ADAMTS2: variants seen among roughly 807,000 people sequenced by gnomAD.
ADAMTS2 encodes the protein A disintegrin and metalloproteinase with thrombospondin motifs 2.
In ADAMTS2, 50 loss-of-function variants were observed where a neutral mutation model predicts 123.0. The ratio of observed to expected loss-of-function variants is 0.41; its 90% confidence interval spans 0.32 to 0.51. The LOEUF (loss-of-function observed/expected upper bound fraction) is 0.51. ADAMTS2 is among the 20% of genes least tolerant of loss of function. ADAMTS2 has a pLI of 0.35. For synonymous variants in ADAMTS2, 678 were observed against 695.4 expected (o/e 0.98, Z 0.39); for missense variants, 1,494 against 1,705.2 (o/e 0.88, Z 2.18).
chr5:179,212,000 G>C (rs1764864195), intron 3 of ADAMTS2, among the ~76,000 whole-genome samples: 1 of 152,242 alleles, frequency 6.6e-6, no homozygotes, highest in Non-Finnish European at 1.5e-5. Flanking sequence ...AGGAGGAGTG[G>C]GCACGCGCCC....
rs572114330 is a variant in ADAMTS2, at chr5:179,327,963, T to G, written c.534+15804A>C. On this transcript the variant is annotated intron_variant, in intron 2 of 21. Coordinates refer to ENST00000251582, the MANE Select transcript of ADAMTS2 (RefSeq NM_014244.5). ...GTTCATAAAAAGTCTAGATGCAAAA[T>G]AAATAGAGAAACTCATATATCTGGG... Among the ~76,000 whole-genome samples, 44 of 152,192 alleles carry G rather than the reference T, an allele frequency of 2.9e-4. No individual in the cohort carries two copies. The South Asian group carries it at 8.9e-3, about 31-fold the overall frequency.
At chr5:179,213,180 G>A (rs916629401) in intron 3 of ADAMTS2, among the ~76,000 whole-genome samples, 1 of 152,110 alleles carries the variant, frequency 6.6e-6, no homozygotes, top group Non-Finnish European at 1.5e-5. Flanking sequence ...TGGGATGGCC[G>A]CCCCCTCATT....
At chr5:179,156,271 G>A (rs991859238) in intron 6 of ADAMTS2, among the ~76,000 whole-genome samples, 1 of 151,708 alleles carries the variant, frequency 6.6e-6, no homozygotes, top group African/African-American at 2.4e-5. Flanking sequence ...CTCGATGGAG[G>A]GTCTGTCTCC....
rs774602367 is a variant in ADAMTS2, at chr5:179,117,287, C to T, written c.3179-2963G>A. Among the ~76,000 whole-genome samples the T allele has an allele frequency of 2.0e-5, 3 of 152,164 alleles. No individual in the cohort carries two copies. Among genetic ancestry groups the T allele is most frequent in the Admixed American group, 1.3e-4 (2 of 15,284 alleles). On this transcript the variant is annotated intron_variant, in intron 21 of 21. Coordinates refer to ENST00000251582, the MANE Select transcript of ADAMTS2 (RefSeq NM_014244.5). The surrounding 1 kb of genome is among the most constrained non-coding windows in gnomAD (Gnocchi z 4.2). ...CTTTGACAAAGGAGGGAGCCTGGGC[C>T]TGATGGTGCTGGGAGGGACACCCTG...
At chr5:179,190,350 T>C (rs1764277131) in intron 4 of ADAMTS2, among the ~76,000 whole-genome samples, 1 of 152,234 alleles carries the variant, frequency 6.6e-6, no homozygotes, top group Non-Finnish European at 1.5e-5. Context: ...GGTGATATTA[T>C]GGGGTTGTTA....
At chr5:179,208,637 T>A (rs1764777184) in intron 3 of ADAMTS2, among the ~76,000 whole-genome samples, 1 of 152,150 alleles carries the variant, frequency 6.6e-6, no homozygotes, top group African/African-American at 2.4e-5. Context: ...CAGGCTTCAG[T>A]TCCCAGCCCT....
At chr5:179,245,753 G>A (rs1225166397) in intron 3 of ADAMTS2, among the ~76,000 whole-genome samples, 7 of 88,410 alleles carry the variant, frequency 7.9e-5, no homozygotes, top group Non-Finnish European at 1.3e-4. Context: ...GCGACAGAGC[G>A]AGACTCCGTC....
intron 3 of ADAMTS2, among the ~76,000 whole-genome samples, chr5:179,208,216 A>G (rs1370176251): frequency 8.2e-5 from 5 of 60,770 alleles, no homozygotes; most frequent in Non-Finnish European, 1.5e-4. Flanking sequence ...GCCAGGTGCC[A>G]AAGGACTGGT....
chr5:179,337,982 C>T (rs529812265), intron 2 of ADAMTS2, among the ~76,000 whole-genome samples: 1 of 152,254 alleles, frequency 6.6e-6, no homozygotes, highest in Non-Finnish European at 1.5e-5. Context: ...TGCATTCACT[C>T]AGGCATGACT....
rs1271748535 is a variant in ADAMTS2, at chr5:179,158,717, G to A, written c.1132+6C>T. 5.0e-6 allele frequency: 8 copies of A among 1,614,096 alleles called. No individual in the cohort carries two copies. The highest frequency in any genetic ancestry group is 6.8e-6 in the Non-Finnish European group (8 of 1,180,030). On this transcript the variant is annotated splice_donor_region_variant and intron_variant, in intron 6 of 21. Coordinates refer to ENST00000251582, the MANE Select transcript of ADAMTS2 (RefSeq NM_014244.5). The surrounding 1 kb of genome is among the most constrained non-coding windows in gnomAD (Gnocchi z 5.0). ...GCCTCTGTGGCCCTGCATGGGTGAG[G>A]CTCACCTTGCATGCCGGAAGGCCCA...
At chr5:179,169,249 C>T (rs1017035012) in intron 5 of ADAMTS2, among the ~76,000 whole-genome samples, 4 of 152,312 alleles carry the variant, frequency 2.6e-5, no homozygotes, top group South Asian at 4.1e-4. Context: ...TTCCATCATG[C>T]GAGGGCACAG....
intron 2 of ADAMTS2, among the ~76,000 whole-genome samples, chr5:179,302,358 G>A (rs1448313639): frequency 2.1e-5 from 3 of 144,020 alleles, no homozygotes; most frequent in Non-Finnish European, 4.5e-5. Flanking sequence ...AGCTGCTCTG[G>A]GCGACAGAGC....
intron 2 of ADAMTS2, among the ~76,000 whole-genome samples, chr5:179,277,791 C>A: frequency 2.7e-5 from 1 of 36,576 alleles, no homozygotes; most frequent in South Asian, 2.0e-3. Context: ...AGGCTGACCC[C>A]CCCGCGAGAC....
At chr5:179,331,159 A>G (rs1287976152) in intron 2 of ADAMTS2, among the ~76,000 whole-genome samples, 2 of 150,986 alleles carry the variant, frequency 1.3e-5, no homozygotes, top group Non-Finnish European at 2.9e-5. Context: ...AGTGCAGCTG[A>G]CGACGAAGGG....
At chr5:179,267,388 G>T (rs898143233) in intron 3 of ADAMTS2, among the ~76,000 whole-genome samples, 2 of 152,234 alleles carry the variant, frequency 1.3e-5, no homozygotes, top group Non-Finnish European at 2.9e-5. Context: ...TCGTCTGCCC[G>T]TCAGGGAGGA....
chr5:179,207,779 C>T (rs539652062), intron 3 of ADAMTS2, 64 bp from the exon 4 acceptor site: 154 of 1,482,966 alleles, frequency 1.0e-4, no homozygotes, highest in East Asian at 4.6e-4. Flanking sequence ...ACCTACCAGG[C>T]GCCAGCTTGG....
At chr5:179,122,319 T>TACTTGCACAGGCACCCCCC (rs1273426770) in intron 20 of ADAMTS2, among the ~76,000 whole-genome samples, 4 of 99,164 alleles carry the variant, frequency 4.0e-5, no homozygotes, top group African/African-American at 1.1e-4. Context: ...GCACACTCTC[T>TACTTGCACAGGCACCCCCC]ACTCGCACAG....
rs993125728 is a variant in ADAMTS2, at chr5:179,130,120, C to T, written c.2291-22G>A. The T allele has an allele frequency of 1.2e-6, 2 of 1,613,554 alleles. No homozygotes were observed. The highest frequency in any genetic ancestry group is 1.1e-5 in the South Asian group (1 of 91,028). On this transcript the variant is annotated intron_variant, in intron 15 of 21. Transcript: ENST00000251582. The surrounding 1 kb of genome is among the most constrained non-coding windows in gnomAD (Gnocchi z 4.3). ...ACGGCTGAGAATGGCAAGACCAAGT[C>T]CCCCGTTGTGGTCACCCAAGAGCAG... is the stretch of plus-strand genomic sequence containing the variant.
chr5:179,341,602 A>G (rs981445070), intron 2 of ADAMTS2, among the ~76,000 whole-genome samples: 1 of 151,888 alleles, frequency 6.6e-6, no homozygotes, highest in African/African-American at 2.4e-5. Flanking sequence ...AGTCCCTGCT[A>G]CTTGGGAGGC....
Sources: allele counts gnomAD v4.1 joint callset (sites outside exome capture counted in the v4.1 genomes callset), GRCh38; gene constraint gnomAD v4.1.1; non-coding constraint Gnocchi (gnomAD v3.1); transcripts MANE v1.5; gene names NCBI Gene and HGNC (gene_info 2026-07-23, HGNC 2026-07-21).